Variants in PSME4 observed in about 807,000 individuals in gnomAD.
The protein encoded by PSME4 is proteasome activator complex subunit 4.
PSME4 carries 89 observed loss-of-function variants against 253.9 expected under a neutral mutation model. The ratio of observed to expected loss-of-function variants is 0.35; its 90% CI spans 0.30 to 0.42. The LOEUF (loss-of-function observed/expected upper bound fraction) is 0.42, where lower values mean the gene tolerates loss of function less well. PSME4 is among the 10% of genes least tolerant of loss of function. The pLI is 1.00. For synonymous variants in PSME4, 851 were observed against 759.2 expected (o/e 1.12, Z -1.99); for missense variants, 2,014 against 2,195.2 (o/e 0.92, Z 1.65).
At chr2:53,954,796 G>C (rs2104481750) in intron 1 of PSME4, among the ~76,000 whole-genome samples, 1 of 149,852 alleles carries the variant, frequency 6.7e-6, no homozygotes, top group South Asian at 2.1e-4. Flanking sequence ...AGCCAAGACT[G>C]TGCCACTGCA....
At chr2:53,912,047 AAGC>A (rs1281271352) in intron 20 of PSME4, among the ~76,000 whole-genome samples, 1 of 152,232 alleles carries the variant, frequency 6.6e-6, no homozygotes, top group African/African-American at 2.4e-5. Flanking sequence ...ATTTAAATAA[AAGC>A]CTTATCTTCT....
intron 28 of PSME4, among the ~76,000 whole-genome samples, chr2:53,900,982 AAT>A (rs1680372616): frequency 6.6e-6 from 1 of 152,212 alleles, no homozygotes. Flanking sequence ...CTTCACTATA[AAT>A]TACGAACCCA....
At chr2:53,926,091 T>G (rs1018653992) in intron 12 of PSME4, 68 bp from the exon 13 acceptor site, 19 of 1,280,292 alleles carry the variant, frequency 1.5e-5, no homozygotes, top group Non-Finnish European at 2.2e-5. Flanking sequence ...CTAACAAAAC[T>G]CAATTATTGC....
intron 37 of PSME4, among the ~76,000 whole-genome samples, chr2:53,889,845 G>A (rs1228979841): frequency 6.6e-6 from 1 of 152,104 alleles, no homozygotes; most frequent in African/African-American, 2.4e-5. Flanking sequence ...TACTTCTCAA[G>A]ACTTATTTGA....
At chr2:53,919,569 G>T (rs147332656) in intron 19 of PSME4, among the ~76,000 whole-genome samples, 2 of 152,216 alleles carry the variant, frequency 1.3e-5, no homozygotes, top group Admixed American at 1.3e-4. Flanking sequence ...TGCTACAGAA[G>T]ATCTTCCAGC....
chr2:53,896,671 CATA>C (rs1273288946), intron 32 of PSME4, 130 bp downstream of exon 32: 1 of 663,878 alleles, frequency 1.5e-6, no homozygotes, highest in African/African-American at 1.8e-5. Flanking sequence ...CTGTTTCCTT[CATA>C]ATATTATTTA....
chr2:53,923,543 C>A, intron 14 of PSME4, 124 bp from the exon 15 acceptor site: 1 of 1,242,772 alleles, frequency 8.0e-7, no homozygotes, highest in Admixed American at 3.3e-5. Flanking sequence ...CAATTTTTAA[C>A]CATCTGATTT....
chr2:53,944,289 G>A (rs1669600030), intron 3 of PSME4, among the ~76,000 whole-genome samples: 1 of 152,060 alleles, frequency 6.6e-6, no homozygotes, highest in South Asian at 2.1e-4. Flanking sequence ...CTCCTGGGTA[G>A]CTGGGATTAC....
rs7599659 is a variant in PSME4 at position 53,914,758 on chromosome 2, G to A, written c.2516+4393C>T. On this transcript the variant is annotated intron_variant, in intron 20 of 46. Coordinates refer to ENST00000404125, the MANE Select transcript of PSME4 (RefSeq NM_014614.3). ...TAGCCGGGCATGGTGGCACACGCCT[G>A]TAATCCCAGCTACTCGGGAGGCTGA... Among the ~76,000 whole-genome samples the A allele has an allele frequency of 2.2e-3, 338 of 152,152 alleles. 2 individuals carry two copies. Among genetic ancestry groups the A allele is most frequent in the African/African-American group, 7.9e-3 (330 of 41,510 alleles).
At chr2:53,877,344 T>A (rs1679184169) in intron 41 of PSME4, among the ~76,000 whole-genome samples, 1 of 151,562 alleles carries the variant, frequency 6.6e-6, no homozygotes, top group Non-Finnish European at 1.5e-5. Context: ...GCCCAGGAGT[T>A]CAAGGTTACA....
At chr2:53,922,996 AG>A (rs1558687200) in intron 16 of PSME4, 52 bp downstream of exon 16, 5 of 1,341,478 alleles carry the variant, frequency 3.7e-6, no homozygotes, top group Non-Finnish European at 5.0e-6. Context: ...TTAGAAACCA[AG>A]AAAAAAACTT....
chr2:53,876,583 T>TTTTA (rs1679131729), intron 41 of PSME4, among the ~76,000 whole-genome samples: 1 of 150,024 alleles, frequency 6.7e-6, no homozygotes, highest in African/African-American at 2.5e-5. Flanking sequence ...GCTAGAATAC[T>TTTTA]TATATATATA....
At chr2:53,964,882 TA>T (rs1382273613) in intron 1 of PSME4, among the ~76,000 whole-genome samples, 1 of 152,216 alleles carries the variant, frequency 6.6e-6, no homozygotes, top group African/African-American at 2.4e-5. Context: ...GAAGGCTGCA[TA>T]ATATTTGTAA....
chr2:53,918,302 C>G (rs1288001885), intron 20 of PSME4, among the ~76,000 whole-genome samples: 2 of 152,082 alleles, frequency 1.3e-5, no homozygotes, highest in Non-Finnish European at 2.9e-5. Context: ...TATTATCTAT[C>G]TGTTTAATAA....
intron 12 of PSME4, 115 bp downstream of exon 12, chr2:53,927,279 G>A: frequency 1.3e-6 from 1 of 754,760 alleles, no homozygotes; most frequent in South Asian, 1.7e-5. Context: ...TACCATTCTA[G>A]TCACAAAATA....
chr2:53,904,252 G>A (rs189007647), intron 26 of PSME4, 96 bp from the exon 27 acceptor site: 3 of 1,244,148 alleles, frequency 2.4e-6, no homozygotes, highest in East Asian at 2.4e-5. Flanking sequence ...TAATTTACAT[G>A]TTTTTCTCAT....
At chr2:53,869,646 T>A in intron 43 of PSME4, 108 bp from the exon 44 acceptor site, 1 of 871,852 alleles carries the variant, frequency 1.1e-6, no homozygotes, top group Non-Finnish European at 1.6e-6. Flanking sequence ...TGAAATTGCA[T>A]GCAAATTTTG....
At chr2:53,937,656 A>C in intron 4 of PSME4, 116 bp from the exon 5 acceptor site, 1 of 938,060 alleles carries the variant, frequency 1.1e-6, no homozygotes, top group South Asian at 1.6e-5. Flanking sequence ...CATAGCATGT[A>C]ACACAGTCTA....
chr2:53,878,464 CA>C (rs1432879666), intron 41 of PSME4, among the ~76,000 whole-genome samples: 1 of 152,202 alleles, frequency 6.6e-6, no homozygotes, highest in Non-Finnish European at 1.5e-5. Flanking sequence ...GTTCAGACAA[CA>C]AAGGAGATGA....
Sources: allele counts gnomAD v4.1 joint callset (sites outside exome capture counted in the v4.1 genomes callset), GRCh38; gene constraint gnomAD v4.1.1; transcripts MANE v1.5; gene names NCBI Gene and HGNC (gene_info 2026-07-23, HGNC 2026-07-21).